SPIDR: variants seen among roughly 807,000 people sequenced by gnomAD.
The protein encoded by SPIDR is scaffold protein involved in DNA repair, also known as DNA repair-scaffolding protein.
A neutral mutation model predicts 104.6 loss-of-function variants in SPIDR; 93 were observed. The observed-to-expected ratio is 0.89, with a 90% CI of 0.75 to 1.06. The LOEUF is 1.06. SPIDR is among the 50% of genes least tolerant of loss of function. The probability of loss-of-function intolerance (pLI) is 0.00; values close to 1 mark genes in which losing one functional copy is unlikely to be tolerated. For missense variants in SPIDR, 1,154 were observed against 1,111.2 expected (o/e 1.04, Z -0.55); for synonymous variants, 431 against 416.9 (o/e 1.03, Z -0.41).
intron 1 of SPIDR, among the ~76,000 whole-genome samples, chr8:47,273,083 G>A (rs755097324): frequency 2.0e-5 from 3 of 152,266 alleles, no homozygotes; most frequent in African/African-American, 7.2e-5. Context: ...GACACCAAGT[G>A]GGTATCCTAT....
rs34106189 is a variant in SPIDR, at chr8:47,368,343, CAAAAAAAAAAAAAAAAAAAAAAAA to C, written c.526-28015_526-27992del. 2.1e-3 allele frequency among the ~76,000 whole-genome samples: 104 copies of C among 49,420 alleles called. 1 individual carries two copies. Among genetic ancestry groups the C allele is most frequent in the South Asian group, 0.014 (20 of 1,400 alleles). 32.4% of individuals were successfully genotyped at this position (49,420 alleles called of 152,430 possible). ...ACAGAGTCAGAAGGAGTTGAGAAGTCAAAAAAAAAAAAAAAAAAAAAAAAAAAAAAAAAAAAAAAAAGGATTTTG... is the reference window on the plus strand; with the variant it reads ...ACAGAGTCAGAAGGAGTTGAGAAGTCAAAAAAAAAAAAAAAAAGGATTTTG... On this transcript the variant is annotated intron_variant, in intron 5 of 19. Transcript: ENST00000297423.
chr8:47,681,739 G>T (rs2077120001), intron 11 of SPIDR, among the ~76,000 whole-genome samples: 1 of 152,086 alleles, frequency 6.6e-6, no homozygotes, highest in African/African-American at 2.4e-5. Context: ...TATACAAGGA[G>T]TCTTTATCTT....
At chr8:47,633,718 C>G (rs140905166) in intron 10 of SPIDR, among the ~76,000 whole-genome samples, 57 of 152,116 alleles carry the variant, frequency 3.7e-4, no homozygotes, top group African/African-American at 1.3e-3. Flanking sequence ...CCTCATCACC[C>G]TCAGTTAATG....
At chr8:47,302,415 T>C (rs2154248516) in intron 5 of SPIDR, among the ~76,000 whole-genome samples, 1 of 152,222 alleles carries the variant, frequency 6.6e-6, no homozygotes, top group South Asian at 2.1e-4. Flanking sequence ...TCGGAGTAGT[T>C]TGATCGTCTG....
chr8:47,576,545 T>C (rs2059151262), intron 8 of SPIDR, among the ~76,000 whole-genome samples: 1 of 152,192 alleles, frequency 6.6e-6, no homozygotes, highest in African/African-American at 2.4e-5. Context: ...ACTATCCTCG[T>C]GCTTCAGCCT....
intron 8 of SPIDR, among the ~76,000 whole-genome samples, chr8:47,585,570 T>G (rs1303854189): frequency 6.6e-6 from 1 of 152,186 alleles, no homozygotes; most frequent in African/African-American, 2.4e-5. Flanking sequence ...TTTCTGTTGC[T>G]TATAACAGAA....
At chr8:47,654,267 A>G in intron 10 of SPIDR, 1 of 924,532 alleles carries the variant, frequency 1.1e-6, no homozygotes, top group Non-Finnish European at 1.5e-6. Context: ...GCACCTGCCT[A>G]ATCCATGTAG....
intron 5 of SPIDR, among the ~76,000 whole-genome samples, chr8:47,363,199 CTTTTTTTTTT>C (rs34705214): frequency 3.4e-4 from 27 of 79,696 alleles, no homozygotes; most frequent in South Asian, 5.5e-4. Flanking sequence ...CTTTATCTCT[CTTTTTTTTTT>C]TTTTTTTTTT....
At chr8:47,411,345 C>T (rs2063496870) in intron 7 of SPIDR, among the ~76,000 whole-genome samples, 1 of 152,290 alleles carries the variant, frequency 6.6e-6, no homozygotes, top group African/African-American at 2.4e-5. Context: ...TTTTAATGAT[C>T]ACCATTCTAA....
chr8:47,391,085 C>T (rs572851051), intron 5 of SPIDR, among the ~76,000 whole-genome samples: 7 of 152,096 alleles, frequency 4.6e-5, no homozygotes, highest in South Asian at 4.1e-4. Flanking sequence ...AGCTGGTGTC[C>T]GGTGAGCCAG....
At chr8:47,702,045 T>C (rs926513794) in intron 14 of SPIDR, 30 bp downstream of exon 14, 1 of 1,533,284 alleles carries the variant, frequency 6.5e-7, no homozygotes, top group African/African-American at 1.4e-5. Context: ...TCTCAATCTC[T>C]CAGCCTTTCT....
chr8:47,273,026 A>G (rs1014916317), intron 1 of SPIDR, among the ~76,000 whole-genome samples: 13 of 152,188 alleles, frequency 8.5e-5, no homozygotes, highest in African/African-American at 2.7e-4. Context: ...GTACACTTCT[A>G]TGCCCAGATG....
At chr8:47,275,691 G>C (rs2036285573) in intron 1 of SPIDR, among the ~76,000 whole-genome samples, 1 of 152,078 alleles carries the variant, frequency 6.6e-6, no homozygotes, top group Non-Finnish European at 1.5e-5. Flanking sequence ...ACTCTAATAG[G>C]GTAGGAAAAC....
At chr8:47,661,292 G>A (rs540522157) in intron 10 of SPIDR, among the ~76,000 whole-genome samples, 4 of 152,252 alleles carry the variant, frequency 2.6e-5, no homozygotes, top group African/African-American at 9.6e-5. Flanking sequence ...ACTTATCTAA[G>A]TTAATCACTC....
intron 9 of SPIDR, among the ~76,000 whole-genome samples, chr8:47,597,752 G>A (rs1050255325): frequency 6.6e-6 from 1 of 152,098 alleles, no homozygotes; most frequent in Non-Finnish European, 1.5e-5. Context: ...GAATTTTACT[G>A]ATCCTAAGCC....
chr8:47,398,715 G>A (rs1453234566), intron 6 of SPIDR, among the ~76,000 whole-genome samples: 3 of 152,222 alleles, frequency 2.0e-5, no homozygotes, highest in Non-Finnish European at 4.4e-5. Context: ...GCAGTGTCCA[G>A]ATCTTTTGAA....
rs1352128870 is a variant in SPIDR at position 47,396,441 on chromosome 8, C to T, written c.591C>T (p.Val197=). 2 of 1,613,546 alleles carry T rather than the reference C, an allele frequency of 1.2e-6. No individual in the cohort carries two copies. Among genetic ancestry groups the T allele is most frequent in the Non-Finnish European group, 1.7e-6 (2 of 1,179,744 alleles). The change falls in exon 6 of 20, where the codon GTC becomes GTT. Residue 197 remains valine, a synonymous_variant. Coordinates refer to ENST00000297423, the MANE Select transcript of SPIDR (RefSeq NM_001080394.4). ...AAAAAGAAGATGATTTGGAAAATGT[C>T]CTACTCATTGATTCAGAATCCCCTC... ...DSEKEDDLEN[V]LLIDSESPHK... is the part of the protein sequence containing the mutation.
intron 8 of SPIDR, among the ~76,000 whole-genome samples, chr8:47,532,071 T>TC (rs1166514702): frequency 1.3e-5 from 2 of 151,084 alleles, no homozygotes; most frequent in Non-Finnish European, 3.0e-5. Flanking sequence ...GTGGATTTTT[T>TC]TTTTTTTTTT....
At chr8:47,389,939 A>C (rs2060385655) in intron 5 of SPIDR, among the ~76,000 whole-genome samples, 1 of 152,112 alleles carries the variant, frequency 6.6e-6, no homozygotes, top group Non-Finnish European at 1.5e-5. Flanking sequence ...TGATTGAAAA[A>C]TTCATTTTCT....
Sources: allele counts gnomAD v4.1 joint callset (sites outside exome capture counted in the v4.1 genomes callset), GRCh38; gene constraint gnomAD v4.1.1; transcripts MANE v1.5; gene names NCBI Gene and HGNC (gene_info 2026-07-23, HGNC 2026-07-21).